HPGD: variants seen among roughly 807,000 people sequenced by gnomAD.
HPGD encodes the protein 15-hydroxyprostaglandin dehydrogenase [NAD(+)].
A neutral mutation model predicts 30.0 loss-of-function variants in HPGD; 29 were observed. The ratio of observed to expected loss-of-function variants is 0.97; its 90% CI spans 0.72 to 1.32. HPGD has a LOEUF of 1.32. Ranked by LOEUF, HPGD falls within the 40% of genes most tolerant of loss-of-function variation. HPGD has a pLI of 0.00. For synonymous variants in HPGD, 99 were observed against 112.4 expected (o/e 0.88, Z 0.75); for missense variants, 340 against 322.1 (o/e 1.06, Z -0.43).
chr4:174,503,905 A>G (rs750054344), intron 4 of HPGD, among the ~76,000 whole-genome samples: 31 of 152,100 alleles, frequency 2.0e-4, no homozygotes, highest in Middle Eastern at 3.4e-3. Context: ...AAAAATTTTT[A>G]TACAGATGAG....
chr4:174,502,467 A>G (rs1270232179), intron 4 of HPGD, among the ~76,000 whole-genome samples: 1 of 152,094 alleles, frequency 6.6e-6, no homozygotes, highest in Non-Finnish European at 1.5e-5. Flanking sequence ...TCACGAGGTC[A>G]GGAGATGGTG....
At chr4:174,502,103 G>A (rs2110805327) in intron 4 of HPGD, among the ~76,000 whole-genome samples, 1 of 152,276 alleles carries the variant, frequency 6.6e-6, no homozygotes, top group South Asian at 2.1e-4. Flanking sequence ...CGCTAAAAAA[G>A]CAGGAATCTA....
chr4:174,509,119 T>G (rs749724860), intron 3 of HPGD, among the ~76,000 whole-genome samples: 6 of 152,216 alleles, frequency 3.9e-5, no homozygotes, highest in Non-Finnish European at 5.9e-5. Flanking sequence ...ATATTCTTTT[T>G]GTTTTCTAAA....
chr4:174,517,926 G>T, intron 3 of HPGD, 45 bp downstream of exon 3: 3 of 1,002,702 alleles, frequency 3.0e-6, no homozygotes, highest in Non-Finnish European at 4.7e-6. Context: ...CAAACATCAT[G>T]TTATTAAATA....
chr4:174,508,798 C>T lies in HPGD; in HGVS notation c.325-6G>A, dbSNP rs374615994. Reference sequence around the variant, plus strand: ...GTTCCACTGATAACAGAAACCTAATCCAGAGGCATAAGTGAGAAAAGGAAT... The same window carrying T: ...GTTCCACTGATAACAGAAACCTAATTCAGAGGCATAAGTGAGAAAAGGAAT... On this transcript the variant is annotated splice_polypyrimidine_tract_variant and splice_region_variant and intron_variant, in intron 3 of 6. Coordinates refer to ENST00000296522, the MANE Select transcript of HPGD (RefSeq NM_000860.6). 2 of 1,481,518 alleles carry T rather than the reference C, an allele frequency of 1.3e-6. No individual in the cohort carries two copies. The highest frequency in any genetic ancestry group is 1.9e-6 in the Non-Finnish European group (2 of 1,060,118). The allele number at this position is 1,481,518 out of a possible 1,614,324, so 91.8% of individuals were successfully genotyped here.
In HPGD at chr4:174,497,895, TTC is replaced by T. The variant is rs376652837; in HGVS notation, c.422-2273_422-2272del. Among the ~76,000 whole-genome samples, 398 of 143,636 alleles carry T rather than the reference TTC, an allele frequency of 2.8e-3. 1 individual carries two copies. Among genetic ancestry groups the T allele is most frequent in the Non-Finnish European group, 2.2e-3 (141 of 64,710 alleles). The allele number at this position is 143,636 out of a possible 152,430, so 94.2% of individuals were successfully genotyped here. ...CCGGCCTCACTTTCTCTCTCTCTCT[TTC>T]TCTCTCTCTCTCTCTTCCCCCCGCC... On this transcript the variant is annotated intron_variant, in intron 4 of 6. Coordinates refer to ENST00000296522, the MANE Select transcript of HPGD (RefSeq NM_000860.6).
chr4:174,508,095 A>T (rs764979679), intron 4 of HPGD: 1 of 701,382 alleles, frequency 1.4e-6, no homozygotes, highest in African/African-American at 1.7e-5. Flanking sequence ...GGAATCCAGC[A>T]GTTCTAAAGT....
At chr4:174,503,205 A>G (rs1735007653) in intron 4 of HPGD, among the ~76,000 whole-genome samples, 1 of 152,152 alleles carries the variant, frequency 6.6e-6, no homozygotes, top group Non-Finnish European at 1.5e-5. Flanking sequence ...TGCAGAGTCC[A>G]TTTGGGAGAA....
At chr4:174,512,904 C>G (rs908723149) in intron 3 of HPGD, among the ~76,000 whole-genome samples, 1 of 152,280 alleles carries the variant, frequency 6.6e-6, no homozygotes, top group African/African-American at 2.4e-5. Context: ...TTCCTATTTG[C>G]CCATGATATT....
intron 4 of HPGD, among the ~76,000 whole-genome samples, chr4:174,497,879 C>T (rs1386367019): frequency 6.9e-6 from 1 of 145,858 alleles, no homozygotes; most frequent in Non-Finnish European, 1.5e-5. Context: ...GCCGGCCTCA[C>T]TTTCTCTCTC....
chr4:174,495,298 C>T (rs575257224), intron 5 of HPGD: 27 of 522,192 alleles, frequency 5.2e-5, no homozygotes, highest in Non-Finnish European at 8.2e-5. Flanking sequence ...AGTACTATCT[C>T]CCCATTACTT....
upstream of HPGD, chr4:174,522,538 T>C: frequency 4.1e-6 from 4 of 969,206 alleles, no homozygotes; most frequent in Non-Finnish European, 5.8e-6. Context: ...CGCGCGCGCG[T>C]GCAGCCCGGC....
chr4:174,495,733 A>G, intron 4 of HPGD, 109 bp from the exon 5 acceptor site: 1 of 784,628 alleles, frequency 1.3e-6, no homozygotes, highest in South Asian at 1.5e-5. Flanking sequence ...ATTTAAGATG[A>G]ATCTGAATAA....
At chr4:174,520,549 G>A (rs961756483) in intron 2 of HPGD, among the ~76,000 whole-genome samples, 1 of 152,066 alleles carries the variant, frequency 6.6e-6, no homozygotes, top group African/African-American at 2.4e-5. Flanking sequence ...ATGCCTTCCC[G>A]GGTCACTTAT....
At chr4:174,495,889 C>A in intron 4 of HPGD, 1 of 462,450 alleles carries the variant, frequency 2.2e-6, no homozygotes, top group Non-Finnish European at 3.9e-6. Context: ...TCTGCCTCCC[C>A]AGGCCTTCTG....
intron 4 of HPGD, among the ~76,000 whole-genome samples, chr4:174,503,405 A>G (rs1735020016): frequency 6.6e-6 from 1 of 152,224 alleles, no homozygotes; most frequent in Non-Finnish European, 1.5e-5. Flanking sequence ...TTCATTGTTC[A>G]ACTATAAATT....
chr4:174,491,699 C>A lies in HPGD; in HGVS notation c.*257G>T. On this transcript the variant is annotated 3_prime_UTR_variant, in exon 7 of 7. Coordinates refer to ENST00000296522, the MANE Select transcript of HPGD (RefSeq NM_000860.6). ...TCTGAAAGGCAGAATATTGAATATT[C>A]CTTGAAAATCATTTGTTTTGATCAT... 1 of 418,894 alleles carries A rather than the reference C, an allele frequency of 2.4e-6. No homozygotes were observed. Among genetic ancestry groups the A allele is most frequent in the Non-Finnish European group, 4.4e-6 (1 of 228,358 alleles). The allele number at this position is 418,894 out of a possible 1,614,324, so 25.9% of individuals were successfully genotyped here.
chr4:174,502,707 C>G (rs1029980721), intron 4 of HPGD, among the ~76,000 whole-genome samples: 1 of 147,836 alleles, frequency 6.8e-6, no homozygotes, highest in Non-Finnish European at 1.5e-5. Context: ...GTGACACATG[C>G]TTTCATAAAA....
rs1020327424 is a variant in HPGD at position 174,517,314 on chromosome 4, A to G, written c.324+657T>C. Among the ~76,000 whole-genome samples the G allele has an allele frequency of 2.0e-5, 3 of 152,022 alleles. No individual in the cohort carries two copies. The East Asian group carries it at 5.8e-4, about 29-fold the overall frequency. Reference sequence around the variant, plus strand: ...CACACACGAACCACGAACTTTCAGGATAAAAAGTCCTACTAATTACAAAGT... The same window carrying G: ...CACACACGAACCACGAACTTTCAGGGTAAAAAGTCCTACTAATTACAAAGT... On this transcript the variant is annotated intron_variant, in intron 3 of 6. Transcript: ENST00000296522.
Sources: allele counts gnomAD v4.1 joint callset (sites outside exome capture counted in the v4.1 genomes callset), GRCh38; gene constraint gnomAD v4.1.1; transcripts MANE v1.5; gene names NCBI Gene and HGNC (gene_info 2026-07-23, HGNC 2026-07-21).